The following SCG3 variants were observed in gnomAD, a reference collection of about 807,000 sequenced individuals.
SCG3 encodes secretogranin III.
Under a neutral mutation model 56.2 loss-of-function variants are expected in SCG3, and 38 were observed. The observed-to-expected ratio is 0.68, with a 90% CI of 0.52 to 0.89. The LOEUF (loss-of-function observed/expected upper bound fraction) is 0.89, where lower values mean the gene tolerates loss of function less well. SCG3 is among the 40% of genes least tolerant of loss of function. The pLI, the probability that SCG3 is intolerant of heterozygous loss-of-function variation, is 0.00. For missense variants in SCG3, 524 were observed against 540.7 expected (o/e 0.97, Z 0.31); for synonymous variants, 176 against 184.2 (o/e 0.96, Z 0.36).
At position 51,681,824 on chromosome 15, in the gene SCG3, T is replaced by A; in HGVS notation, c.69T>A (p.Pro23=). ...TCCCGATTCAAGCTTTCCCCAAACCTGGAGGAAGCCAAGGTATGTGAACAC... is the reference window on the plus strand; with the variant it reads ...TCCCGATTCAAGCTTTCCCCAAACCAGGAGGAAGCCAAGGTATGTGAACAC... ...LVLPIQAFPK[P]GGSQDKSLHN... The change falls in exon 1 of 12, where the codon CCT becomes CCA. Residue 23 remains proline (P), a synonymous_variant. Coordinates refer to ENST00000220478, the MANE Select transcript of SCG3 (RefSeq NM_013243.4). The A allele has an allele frequency of 6.2e-7, 1 of 1,613,998 alleles. No individual in the cohort carries two copies.
intron 10 of SCG3, among the ~76,000 whole-genome samples, chr15:51,704,012 G>A (rs931252724): frequency 1.3e-5 from 2 of 151,576 alleles, no homozygotes; most frequent in African/African-American, 4.8e-5. Context: ...CCCATGTTGT[G>A]AAAGTTTATG....
intron 2 of SCG3, among the ~76,000 whole-genome samples, chr15:51,682,777 A>G (rs1050982377): frequency 6.6e-6 from 1 of 152,222 alleles, no homozygotes; most frequent in African/African-American, 2.4e-5. Flanking sequence ...TAATGAATAC[A>G]TAGAGTAACT....
At chr15:51,700,415 T>C (rs566163122) in intron 9 of SCG3, among the ~76,000 whole-genome samples, 23 of 152,382 alleles carry the variant, frequency 1.5e-4, no homozygotes, top group African/African-American at 5.3e-4. Context: ...TTCAAATGGT[T>C]ACCTACTTTA....
At chr15:51,688,857 G>A (rs1283944175) in intron 5 of SCG3, among the ~76,000 whole-genome samples, 1 of 152,208 alleles carries the variant, frequency 6.6e-6, no homozygotes, top group East Asian at 1.9e-4. Context: ...CTTCTGCCCT[G>A]ACCTGGCCCT....
rs114687473 is a variant in SCG3, at chr15:51,689,102, T to C, written c.541-117T>C. On this transcript the variant is annotated intron_variant, in intron 5 of 11. Transcript: ENST00000220478. ...GCGTAAGTGAGGGCTGTCTGAAAGA[T>C]GGTTCAGAAGATTCCTCTTTAAAAA... The C allele has an allele frequency of 2.2e-3, 2,473 of 1,118,746 alleles. 43 individuals are homozygous for C. In the African/African-American group the frequency reaches 0.035, roughly 16 times the overall value. The allele number at this position is 1,118,746 out of a possible 1,614,324, so 69.3% of individuals were successfully genotyped here. A position where few individuals can be genotyped will look rare whatever the true frequency, so the allele number is the denominator to read the frequency against.
At chr15:51,713,996 C>T (rs538976310) in intron 11 of SCG3, among the ~76,000 whole-genome samples, 1 of 152,248 alleles carries the variant, frequency 6.6e-6, no homozygotes, top group South Asian at 2.1e-4. Context: ...CATACTAGGA[C>T]AGAGACAGTT....
chr15:51,718,588 A>T (rs1203325720), intron 11 of SCG3, among the ~76,000 whole-genome samples: 1 of 152,108 alleles, frequency 6.6e-6, no homozygotes, highest in Non-Finnish European at 1.5e-5. Flanking sequence ...CGTTCTGTCT[A>T]GTCATTTACA....
intron 7 of SCG3, among the ~76,000 whole-genome samples, chr15:51,694,480 T>C (rs1427208755): frequency 6.6e-6 from 1 of 151,518 alleles, no homozygotes; most frequent in African/African-American, 2.4e-5. Context: ...GGCTAATGGC[T>C]GTTGCTTACC....
At chr15:51,695,233 T>G (rs2055295156) in intron 7 of SCG3, among the ~76,000 whole-genome samples, 1 of 151,664 alleles carries the variant, frequency 6.6e-6, no homozygotes, top group South Asian at 2.1e-4. Flanking sequence ...AATTTTGTAT[T>G]TATAAACTAG....
intron 11 of SCG3, among the ~76,000 whole-genome samples, chr15:51,714,783 T>C (rs1171588174): frequency 6.6e-6 from 1 of 152,182 alleles, no homozygotes; most frequent in Non-Finnish European, 1.5e-5. Flanking sequence ...GTCTTCTAAG[T>C]TGAGTGATGA....
At position 51,720,132 on chromosome 15, in the gene SCG3, G is replaced by A. The variant is rs367688568; in HGVS notation, c.*606G>A. 8.5e-5 allele frequency: 13 copies of A among 152,340 alleles called. 1 individual carries two copies. Among genetic ancestry groups the A allele is most frequent in the African/African-American group, 2.9e-4 (12 of 41,556 alleles). 9.4% of individuals were successfully genotyped at this position (152,340 alleles called of 1,614,324 possible). A position where few individuals can be genotyped will look rare whatever the true frequency, so the allele number is the denominator to read the frequency against. On this transcript the variant is annotated 3_prime_UTR_variant, in exon 12 of 12. Transcript: ENST00000220478. ...CTGGATTTACTAACAATTTCCCCCT[G>A]TTCTTAACACTTCCTATTAGTGACT...
At chr15:51,708,981 G>A (rs1253358472) in intron 10 of SCG3, among the ~76,000 whole-genome samples, 4 of 152,130 alleles carry the variant, frequency 2.6e-5, no homozygotes, top group Admixed American at 2.6e-4. Context: ...TATTTATTTT[G>A]GTTCAAAACC....
At chr15:51,704,560 CA>C in intron 10 of SCG3, among the ~76,000 whole-genome samples, 1 of 150,222 alleles carries the variant, frequency 6.7e-6, no homozygotes, top group Non-Finnish European at 1.5e-5. Context: ...TAAGTGGAAT[CA>C]TATAGCATTT....
chr15:51,691,491 G>A (rs2055266710), intron 6 of SCG3, among the ~76,000 whole-genome samples: 1 of 152,174 alleles, frequency 6.6e-6, no homozygotes, highest in Non-Finnish European at 1.5e-5. Flanking sequence ...ATAGTGGAGG[G>A]AGAAATGTGC....
intron 10 of SCG3, among the ~76,000 whole-genome samples, chr15:51,706,513 C>T (rs890658872): frequency 6.6e-6 from 1 of 152,048 alleles, no homozygotes; most frequent in Non-Finnish European, 1.5e-5. Flanking sequence ...GGTAATGGTC[C>T]AGCTAAAACC....
intron 11 of SCG3, among the ~76,000 whole-genome samples, chr15:51,719,112 A>G (rs1181994447): frequency 6.6e-6 from 1 of 152,208 alleles, no homozygotes; most frequent in Non-Finnish European, 1.5e-5. Flanking sequence ...TATAAACATT[A>G]AAATTTGCAA....
intron 11 of SCG3, among the ~76,000 whole-genome samples, chr15:51,716,176 T>G (rs76562725): frequency 6.6e-6 from 1 of 152,168 alleles, no homozygotes; most frequent in Non-Finnish European, 1.5e-5. Context: ...TTTTCAAACT[T>G]TGATGCACAT....
chr15:51,711,887 C>T (rs1446583952), intron 10 of SCG3, among the ~76,000 whole-genome samples: 2 of 151,958 alleles, frequency 1.3e-5, no homozygotes, highest in African/African-American at 4.8e-5. Context: ...CACAGATCTT[C>T]GGTGGTAAGG....
At chr15:51,703,014 T>TG (rs1281168915) in intron 10 of SCG3, among the ~76,000 whole-genome samples, 1 of 152,110 alleles carries the variant, frequency 6.6e-6, no homozygotes, top group Non-Finnish European at 1.5e-5. Flanking sequence ...AGTGCTCTCT[T>TG]GGGTGGGGGG....
Sources: gnomAD v4.1 joint callset for allele counts (sites outside exome capture counted in the v4.1 genomes callset) on GRCh38, gnomAD v4.1.1 for gene constraint, MANE v1.5 for transcripts, NCBI Gene and HGNC (gene_info 2026-07-23, HGNC 2026-07-21) for gene names.